Variants in CLEC9A observed in about 807,000 individuals in gnomAD.
CLEC9A encodes C-type lectin domain containing 9A.
In CLEC9A, 24 loss-of-function variants were observed where a neutral mutation model predicts 30.0. The ratio of observed to expected loss-of-function variants is 0.80; its 90% CI spans 0.58 to 1.13. CLEC9A has a LOEUF of 1.13. Ranked by LOEUF, CLEC9A falls within the 50% of genes most tolerant of loss-of-function variation. CLEC9A has a pLI of 0.00. For missense variants in CLEC9A, 251 were observed against 280.9 expected (o/e 0.89, Z 0.76); for synonymous variants, 111 against 96.8 (o/e 1.15, Z -0.86).
At chr12:10,052,593 A>G (rs776278662) in intron 3 of CLEC9A, 37 bp from the exon 4 acceptor site, 2 of 1,534,578 alleles carry the variant, frequency 1.3e-6, no homozygotes, top group Non-Finnish European at 1.8e-6. Context: ...AATGTAACCA[A>G]TTTCAGTTCT....
At chr12:10,050,176 T>C (rs1016627925) in intron 2 of CLEC9A, among the ~76,000 whole-genome samples, 3 of 152,234 alleles carry the variant, frequency 2.0e-5, no homozygotes, top group Non-Finnish European at 4.4e-5. Flanking sequence ...TTAACCATCT[T>C]ATATGGGTAT....
intron 2 of CLEC9A, among the ~76,000 whole-genome samples, chr12:10,041,927 A>C (rs113756675): frequency 5.5e-4 from 84 of 152,210 alleles, no homozygotes; most frequent in African/African-American, 1.9e-3. Flanking sequence ...TGTTGTTCTA[A>C]CTTGCTGCAC....
chr12:10,032,020 T>A (rs1036144937), intron 1 of CLEC9A, among the ~76,000 whole-genome samples: 1 of 151,994 alleles, frequency 6.6e-6, no homozygotes, highest in Non-Finnish European at 1.5e-5. Context: ...TGTCATACCT[T>A]AGGAGGGAAT....
Position 10,041,602 on chromosome 12 carries a change from T to C in CLEC9A, c.-181T>C, listed in dbSNP as rs1325408942. On this transcript the variant is annotated 5_prime_UTR_variant, in exon 2 of 9. Coordinates refer to ENST00000355819, the MANE Select transcript of CLEC9A (RefSeq NM_207345.4). ...ACATGAAGGCTACTCTCCTGAAGAC[T>C]GACAACCAGAACATTCTGGTAAGAA... is the stretch of plus-strand genomic sequence containing the variant. 2 of 529,274 alleles carry C rather than the reference T, an allele frequency of 3.8e-6. No individual in the cohort carries two copies. Among genetic ancestry groups the C allele is most frequent in the Non-Finnish European group, 7.7e-6 (2 of 260,966 alleles). 32.8% of individuals were successfully genotyped at this position (529,274 alleles called of 1,614,324 possible). A position where few individuals can be genotyped will look rare whatever the true frequency, so the allele number is the denominator to read the frequency against.
At chr12:10,051,588 G>C (rs985500680) in intron 2 of CLEC9A, among the ~76,000 whole-genome samples, 1 of 152,096 alleles carries the variant, frequency 6.6e-6, no homozygotes, top group Non-Finnish European at 1.5e-5. Flanking sequence ...GTTTCCTTCT[G>C]GGGGCCTGAT....
intron 2 of CLEC9A, among the ~76,000 whole-genome samples, chr12:10,047,112 A>G (rs527716804): frequency 2.2e-4 from 34 of 152,320 alleles, no homozygotes; most frequent in African/African-American, 7.9e-4. Context: ...AGGGCTTAGG[A>G]AAAATAACAG....
chr12:10,032,419 C>T (rs1399641573), intron 1 of CLEC9A, among the ~76,000 whole-genome samples: 3 of 118,532 alleles, frequency 2.5e-5, no homozygotes, highest in Non-Finnish European at 3.3e-5. Flanking sequence ...GAGACGGAGT[C>T]TCGCTTTGTC....
chr12:10,041,597 A>C lies in CLEC9A; in HGVS notation c.-186A>C. 1 of 527,852 alleles carries C rather than the reference A, an allele frequency of 1.9e-6. No individual in the cohort carries two copies. Among genetic ancestry groups the C allele is most frequent in the South Asian group, 1.4e-5 (1 of 70,658 alleles). The allele number at this position is 527,852 out of a possible 1,614,324, so 32.7% of individuals were successfully genotyped here. On this transcript the variant is annotated 5_prime_UTR_variant, in exon 2 of 9. Coordinates refer to ENST00000355819, the MANE Select transcript of CLEC9A (RefSeq NM_207345.4). ...CACTGACATGAAGGCTACTCTCCTG[A>C]AGACTGACAACCAGAACATTCTGGT...
At chr12:10,058,156 A>G (rs779061183) in intron 5 of CLEC9A, among the ~76,000 whole-genome samples, 66 of 152,198 alleles carry the variant, frequency 4.3e-4, no homozygotes, top group Admixed American at 1.4e-3. Flanking sequence ...TTACAGTTTC[A>G]TATAGTATAC....
intron 2 of CLEC9A, among the ~76,000 whole-genome samples, chr12:10,045,004 A>G (rs547459354): frequency 6.6e-6 from 1 of 152,332 alleles, no homozygotes; most frequent in East Asian, 1.9e-4. Context: ...TAGATCATCT[A>G]TCCTGTAACA....
chr12:10,041,359 G>A, intron 1 of CLEC9A, 107 bp from the exon 2 acceptor site: 1 of 247,800 alleles, frequency 4.0e-6, no homozygotes, highest in Non-Finnish European at 8.2e-6. Flanking sequence ...GCATTTCTCT[G>A]ATGGTAACTG....
At position 10,065,689 on chromosome 12, in the gene CLEC9A, A is replaced by G; in HGVS notation, c.*57A>G. The G allele has an allele frequency of 1.3e-6, 2 of 1,550,332 alleles. No homozygotes were observed. The highest frequency in any genetic ancestry group is 8.8e-7 in the Non-Finnish European group (1 of 1,142,414). ...TGTTATTTGGAGCATGCCATTGGAA[A>G]ACCCACCCCCACCCCCCCTCAAAAA... is the stretch of plus-strand genomic sequence containing the variant. On this transcript the variant is annotated 3_prime_UTR_variant, in exon 9 of 9. Transcript: ENST00000355819.
At chr12:10,043,813 C>T (rs1251571630) in intron 2 of CLEC9A, among the ~76,000 whole-genome samples, 1 of 151,994 alleles carries the variant, frequency 6.6e-6, no homozygotes, top group Non-Finnish European at 1.5e-5. Flanking sequence ...TCCTGAGCAG[C>T]TGGGATTACA....
At chr12:10,040,739 C>G (rs971710276) in intron 1 of CLEC9A, 1 of 154,970 alleles carries the variant, frequency 6.5e-6, no homozygotes, top group Admixed American at 6.5e-5. Flanking sequence ...CATGAGCCAC[C>G]GCACCCGGCC....
chr12:10,058,010 A>C (rs1565592954), intron 5 of CLEC9A, among the ~76,000 whole-genome samples: 1 of 152,020 alleles, frequency 6.6e-6, no homozygotes, highest in Non-Finnish European at 1.5e-5. Flanking sequence ...TTTTTTCCCC[A>C]GGTAATTATA....
intron 6 of CLEC9A, 108 bp from the exon 7 acceptor site, chr12:10,062,947 C>A: frequency 1.2e-6 from 1 of 860,692 alleles, no homozygotes; most frequent in Non-Finnish European, 1.7e-6. Flanking sequence ...TGGACCATTA[C>A]GTTATGAGAT....
At chr12:10,055,194 A>G (rs1865930234) in intron 5 of CLEC9A, among the ~76,000 whole-genome samples, 1 of 152,232 alleles carries the variant, frequency 6.6e-6, no homozygotes, top group African/African-American at 2.4e-5. Flanking sequence ...AAAGTTTCAC[A>G]GCTTAACAGA....
intron 1 of CLEC9A, among the ~76,000 whole-genome samples, chr12:10,040,357 T>C (rs1865781384): frequency 1.3e-5 from 2 of 152,142 alleles, no homozygotes; most frequent in African/African-American, 2.4e-5. Flanking sequence ...CAGGTGTCAG[T>C]TTTGTGTATT....
intron 1 of CLEC9A, among the ~76,000 whole-genome samples, chr12:10,038,305 T>A (rs1865760640): frequency 6.6e-6 from 1 of 152,212 alleles, no homozygotes; most frequent in East Asian, 1.9e-4. Context: ...ATTCTTCACC[T>A]CATTCTCAAA....
Sources: allele counts gnomAD v4.1 joint callset (sites outside exome capture counted in the v4.1 genomes callset), GRCh38; gene constraint gnomAD v4.1.1; transcripts MANE v1.5; gene names NCBI Gene and HGNC (gene_info 2026-07-23, HGNC 2026-07-21).